Variants in LRRTM3 observed in about 807,000 individuals in gnomAD.
The protein encoded by LRRTM3 is leucine-rich repeat transmembrane neuronal protein 3.
Under a neutral mutation model 44.7 loss-of-function variants are expected in LRRTM3, and 24 were observed. The observed-to-expected ratio is 0.54, with a 90% CI of 0.39 to 0.76. The LOEUF is 0.76. LRRTM3 is among the 30% of genes least tolerant of loss of function. The pLI is 0.00. For missense variants in LRRTM3, 587 were observed against 702.2 expected, an observed-to-expected ratio of 0.84 and a Z score of 1.85; for synonymous variants, 277 against 278.7, an observed-to-expected ratio of 0.99 and a Z score of 0.06.
intron 2 of LRRTM3, among the ~76,000 whole-genome samples, chr10:67,021,336 A>G (rs1332941357): frequency 6.6e-6 from 1 of 152,274 alleles, no homozygotes; most frequent in South Asian, 2.1e-4. Context: ...AAATGTAAGA[A>G]GCACTTGTAT....
chr10:67,068,151 T>G (rs1315706666), intron 2 of LRRTM3, among the ~76,000 whole-genome samples: 1 of 152,088 alleles, frequency 6.6e-6, no homozygotes, highest in African/African-American at 2.4e-5. Context: ...TAAACTAAGC[T>G]GAGTCAGTGG....
chr10:67,050,804 T>G (rs1426455947), intron 2 of LRRTM3, among the ~76,000 whole-genome samples: 1 of 152,262 alleles, frequency 6.6e-6, no homozygotes, highest in Non-Finnish European at 1.5e-5. Context: ...GATGTTGATT[T>G]TTATTCAATG....
chr10:67,097,612 C>A lies in LRRTM3; in HGVS notation c.1562C>A (p.Thr521Asn), dbSNP rs765011785. The change falls in exon 3 of 3, where the codon ACC becomes AAC. Residue 521 changes from threonine (T) to asparagine (N), a missense_variant. By Grantham distance (65) the Thr-to-Asn change is moderately conservative. This residue lies in a region of LRRTM3 where 315 missense variants were observed against 335.6 expected (regional missense o/e 0.94). Coordinates refer to ENST00000361320, the MANE Select transcript of LRRTM3 (RefSeq NM_178011.5). ...ATACCTTTATCAATGAATGTGTCAA[C>A]CTTTCTGGCATACGACCAGCCCACA... ...CEIPLSMNVS[T>N]FLAYDQPTIS... The A allele has an allele frequency of 6.8e-6, 11 of 1,612,422 alleles. No individual in the cohort carries two copies. The highest frequency in any genetic ancestry group is 9.3e-6 in the Non-Finnish European group (11 of 1,178,870).
At chr10:66,990,353 G>A (rs1171502703) in intron 2 of LRRTM3, among the ~76,000 whole-genome samples, 2 of 152,148 alleles carry the variant, frequency 1.3e-5, no homozygotes, top group Non-Finnish European at 2.9e-5. Context: ...TCTCCTCTAT[G>A]CTGAATTAAC....
intron 2 of LRRTM3, among the ~76,000 whole-genome samples, chr10:67,034,963 C>G (rs1853953964): frequency 6.6e-6 from 1 of 152,168 alleles, no homozygotes; most frequent in African/African-American, 2.4e-5. Context: ...CCACCTATGT[C>G]TATACTAGGA....
chr10:66,940,265 C>T (rs560298489), intron 2 of LRRTM3, among the ~76,000 whole-genome samples: 10 of 151,832 alleles, frequency 6.6e-5, no homozygotes. Flanking sequence ...TTTGGGAGGC[C>T]GAGGCAAGGA....
At chr10:67,026,923 C>A (rs1423516141) in intron 2 of LRRTM3, among the ~76,000 whole-genome samples, 1 of 152,114 alleles carries the variant, frequency 6.6e-6, no homozygotes, top group Non-Finnish European at 1.5e-5. Context: ...AAAATAGAAA[C>A]CATTTAGAAG....
chr10:67,035,966 T>C (rs1027169999), intron 2 of LRRTM3, among the ~76,000 whole-genome samples: 2 of 152,172 alleles, frequency 1.3e-5, no homozygotes, highest in Non-Finnish European at 2.9e-5. Context: ...TGCTTTTCTT[T>C]TTTGACAAAA....
chr10:66,958,679 TG>T (rs1356957106), intron 2 of LRRTM3, among the ~76,000 whole-genome samples: 1 of 152,052 alleles, frequency 6.6e-6, no homozygotes, highest in African/African-American at 2.4e-5. Context: ...CAATAACACA[TG>T]TTAAAATTCC....
At chr10:67,032,898 T>A (rs1344213341) in intron 2 of LRRTM3, among the ~76,000 whole-genome samples, 1 of 152,210 alleles carries the variant, frequency 6.6e-6, no homozygotes. Context: ...TGGTACTGCA[T>A]AATGACATTT....
At position 67,097,915 on chromosome 10, in the gene LRRTM3, A is replaced by T. The variant is rs998603359; in HGVS notation, c.*119A>T. On this transcript the variant is annotated 3_prime_UTR_variant, in exon 3 of 3. Coordinates refer to ENST00000361320, the MANE Select transcript of LRRTM3 (RefSeq NM_178011.5). ...ACAAAACACAAAATCCCCTGTTCAA[A>T]TAAACAAAAAATCCAAGATTGATTC... 40 of 838,414 alleles carry T rather than the reference A, an allele frequency of 4.8e-5. No individual in the cohort carries two copies. Among genetic ancestry groups the T allele is most frequent in the Non-Finnish European group, 6.7e-5 (36 of 537,404 alleles). The allele number at this position is 838,414 out of a possible 1,614,324, so 51.9% of individuals were successfully genotyped here. A position where few individuals can be genotyped will look rare whatever the true frequency, so the allele number is the denominator to read the frequency against.
chr10:66,945,394 C>T (rs773414199), intron 2 of LRRTM3, among the ~76,000 whole-genome samples: 1 of 152,188 alleles, frequency 6.6e-6, no homozygotes, highest in Non-Finnish European at 1.5e-5. Flanking sequence ...CTACCTTCAA[C>T]CTTTCCTTCT....
At chr10:67,005,709 G>A (rs1036869312) in intron 2 of LRRTM3, among the ~76,000 whole-genome samples, 212 of 10,342 alleles carry the variant, frequency 0.02, 3 homozygotes, top group African/African-American at 0.029. Context: ...TTTTTGAGAC[G>A]GAGTCTTGAG....
chr10:67,006,015 T>A lies in LRRTM3; in HGVS notation c.1536+77563T>A, dbSNP rs559126277. Among the ~76,000 whole-genome samples the A allele has an allele frequency of 1.1e-4, 16 of 152,178 alleles. No individual in the cohort carries two copies. In the East Asian group the frequency reaches 2.9e-3, roughly 28 times the overall value. Reference sequence around the variant, plus strand: ...CCATGATTTTTTTGATTATTTATTTTGAAATTATTCAGCATCTTATCTCAT... The same window carrying A: ...CCATGATTTTTTTGATTATTTATTTAGAAATTATTCAGCATCTTATCTCAT... On this transcript the variant is annotated intron_variant, in intron 2 of 2. Coordinates refer to ENST00000361320, the MANE Select transcript of LRRTM3 (RefSeq NM_178011.5).
chr10:66,995,120 T>TTGCTTGAATGTCACAGAAATAA (rs1564819126), intron 2 of LRRTM3, among the ~76,000 whole-genome samples: 1 of 152,154 alleles, frequency 6.6e-6, no homozygotes, highest in Non-Finnish European at 1.5e-5. Context: ...TGAGGTGTCA[T>TTGCTTGAATGTCACAGAAATAA]TGCTTGAATG....
intron 2 of LRRTM3, among the ~76,000 whole-genome samples, chr10:66,974,594 A>C (rs1849921535): frequency 1.3e-5 from 2 of 152,212 alleles, no homozygotes; most frequent in African/African-American, 2.4e-5. Flanking sequence ...CTGTTCTTCA[A>C]AGTGGTTATT....
At chr10:67,036,724 T>C (rs912542061) in intron 2 of LRRTM3, among the ~76,000 whole-genome samples, 3 of 152,146 alleles carry the variant, frequency 2.0e-5, no homozygotes, top group African/African-American at 7.2e-5. Context: ...CATTCATTTG[T>C]TTATTTATGC....
intron 2 of LRRTM3, among the ~76,000 whole-genome samples, chr10:67,011,560 A>G (rs1279721300): frequency 6.6e-6 from 1 of 152,166 alleles, no homozygotes; most frequent in Non-Finnish European, 1.5e-5. Context: ...TCTATTCCAT[A>G]ACATGTACAT....
At chr10:67,003,730 T>G (rs1851810620) in intron 2 of LRRTM3, among the ~76,000 whole-genome samples, 1 of 152,204 alleles carries the variant, frequency 6.6e-6, no homozygotes, top group Non-Finnish European at 1.5e-5. Context: ...CCAGGTCCTA[T>G]TCCTCTAGAG....
Sources: gnomAD v4.1 joint callset for allele counts (sites outside exome capture counted in the v4.1 genomes callset) on GRCh38, gnomAD v4.1.1 for gene constraint, gnomAD v4.1.1 regional missense constraint, MANE v1.5 for transcripts, NCBI Gene and HGNC (gene_info 2026-07-23, HGNC 2026-07-21) for gene names.